The following PLCE1 variants were observed in gnomAD, a reference collection of about 807,000 sequenced individuals.
PLCE1 encodes phospholipase C epsilon 1, also known as 1-phosphatidylinositol 4,5-bisphosphate phosphodiesterase epsilon-1.
A neutral mutation model predicts 242.8 loss-of-function variants in PLCE1; 119 were observed. That is an observed-to-expected ratio of 0.49 (90% CI 0.42 to 0.57). PLCE1 has a LOEUF of 0.57. Among genes scored for constraint, PLCE1 ranks in the 20% least tolerant of loss-of-function variants. The pLI, the probability that PLCE1 is intolerant of heterozygous loss-of-function variation, is 0.00. For missense variants in PLCE1, 2,441 were observed against 2,788.8 expected (o/e 0.88, Z 2.81); for synonymous variants, 945 against 1,017.4 (o/e 0.93, Z 1.35).
intron 2 of PLCE1, among the ~76,000 whole-genome samples, chr10:94,084,901 A>G (rs1323127336): frequency 6.6e-6 from 1 of 152,202 alleles, no homozygotes; most frequent in Non-Finnish European, 1.5e-5. Context: ...AATTTTATGT[A>G]CTTTAATGGA....
chr10:94,069,824 G>T (rs975131621), intron 2 of PLCE1, among the ~76,000 whole-genome samples: 1 of 152,260 alleles, frequency 6.6e-6, no homozygotes, highest in Non-Finnish European at 1.5e-5. Flanking sequence ...GCAAACAGAG[G>T]GTGGTCAGGA....
intron 3 of PLCE1, among the ~76,000 whole-genome samples, chr10:94,143,960 C>G (rs1020005037): frequency 1.3e-5 from 2 of 152,168 alleles, no homozygotes. Context: ...GTGACAGTAG[C>G]GGGTATTTTG....
At chr10:94,034,269 C>G (rs7076847) in intron 2 of PLCE1, among the ~76,000 whole-genome samples, 3,659 of 152,262 alleles carry the variant, frequency 0.024, 102 homozygotes, top group African/African-American at 0.055. Context: ...GGTAGGGACA[C>G]AGCCCAACCA....
intron 2 of PLCE1, among the ~76,000 whole-genome samples, chr10:94,061,306 A>G (rs947104812): frequency 3.9e-5 from 6 of 152,230 alleles, no homozygotes; most frequent in African/African-American, 1.4e-4. Flanking sequence ...GATTAGCTTA[A>G]GCAGGTGATC....
At chr10:94,222,383 A>T (rs1490578270) in intron 4 of PLCE1, among the ~76,000 whole-genome samples, 2 of 151,892 alleles carry the variant, frequency 1.3e-5, no homozygotes, top group Admixed American at 1.3e-4. Context: ...TCCTTCGCTG[A>T]CTCTTGTTTA....
intron 4 of PLCE1, among the ~76,000 whole-genome samples, chr10:94,210,257 A>T (rs1476678382): frequency 6.6e-6 from 1 of 150,620 alleles, no homozygotes; most frequent in East Asian, 1.9e-4. Flanking sequence ...CTTGAAAGAG[A>T]TTTCTTGAGC....
intron 11 of PLCE1, among the ~76,000 whole-genome samples, chr10:94,255,894 ACACACACACACACACACACACTCT>A (rs2051056483): frequency 1.1e-5 from 1 of 91,648 alleles, no homozygotes; most frequent in Non-Finnish European, 2.3e-5. Flanking sequence ...ACACACACAC[ACACACACACACACACACACACTCT>A]CTCTCTCTCT....
At chr10:94,217,806 T>A (rs1226758487) in intron 4 of PLCE1, among the ~76,000 whole-genome samples, 1 of 152,222 alleles carries the variant, frequency 6.6e-6, no homozygotes, top group Non-Finnish European at 1.5e-5. Flanking sequence ...TCTTGCAAAC[T>A]GTGGGCAAGC....
chr10:94,102,195 A>G (rs2045563598), intron 2 of PLCE1, among the ~76,000 whole-genome samples: 1 of 152,224 alleles, frequency 6.6e-6, no homozygotes, highest in Admixed American at 6.5e-5. Context: ...AGACCTCACA[A>G]CAACCTGTCT....
At chr10:94,012,380 G>A (rs1198702090) in intron 1 of PLCE1, among the ~76,000 whole-genome samples, 1 of 151,992 alleles carries the variant, frequency 6.6e-6, no homozygotes, top group Non-Finnish European at 1.5e-5. Context: ...AGTAGAAACA[G>A]GTGACACTCA....
chr10:94,310,101 T>G (rs2053338850), intron 27 of PLCE1, among the ~76,000 whole-genome samples: 1 of 152,250 alleles, frequency 6.6e-6, no homozygotes, highest in African/African-American at 2.4e-5. Context: ...ACATACATTT[T>G]AAAAGTGTAT....
At chr10:94,117,762 T>C (rs2046177943) in intron 2 of PLCE1, among the ~76,000 whole-genome samples, 1 of 152,254 alleles carries the variant, frequency 6.6e-6, no homozygotes, top group African/African-American at 2.4e-5. Flanking sequence ...ACCTGCATTG[T>C]GTCCTTTATG....
intron 2 of PLCE1, among the ~76,000 whole-genome samples, chr10:94,113,724 T>C (rs2046027487): frequency 6.6e-6 from 1 of 152,150 alleles, no homozygotes; most frequent in South Asian, 2.1e-4. Context: ...AGTATTCTAA[T>C]AGCAATGTGA....
intron 8 of PLCE1, 88 bp from the exon 9 acceptor site, chr10:94,252,228 C>T (rs573021276): frequency 8.1e-7 from 1 of 1,227,774 alleles, no homozygotes; most frequent in Non-Finnish European, 1.2e-6. Flanking sequence ...GCTCTTCCAC[C>T]TCTTGGAATT....
intron 4 of PLCE1, among the ~76,000 whole-genome samples, chr10:94,182,576 T>C (rs2048349388): frequency 6.6e-6 from 1 of 152,024 alleles, no homozygotes; most frequent in African/African-American, 2.4e-5. Context: ...GGCCCCATCT[T>C]CATTTCTTTT....
At chr10:94,263,473 C>G (rs2051385217) in intron 14 of PLCE1, among the ~76,000 whole-genome samples, 1 of 149,214 alleles carries the variant, frequency 6.7e-6, no homozygotes, top group African/African-American at 2.5e-5. Context: ...GAGATCACAC[C>G]ACTGCATTCC....
intron 7 of PLCE1, among the ~76,000 whole-genome samples, chr10:94,236,843 G>A (rs1357384350): frequency 6.6e-6 from 1 of 151,940 alleles, no homozygotes; most frequent in Non-Finnish European, 1.5e-5. Flanking sequence ...AGCCATTTAA[G>A]TTCTTAATCT....
In PLCE1 at chr10:94,031,888, G is replaced by T. The variant is rs1466826254; in HGVS notation, c.842G>T (p.Ser281Ile). Residue 281 changes from serine to isoleucine, a missense_variant, in exon 2 of 33, where the codon AGC (serine) becomes ATC (isoleucine). This residue lies in a region of PLCE1 where 393 missense variants were observed against 378.5 expected (regional missense o/e 1.04). Coordinates refer to ENST00000371380, the MANE Select transcript of PLCE1 (RefSeq NM_016341.4). The stretch of plus-strand genomic sequence containing the variant: ...GTTGACATGGTATATTCAGGTGATA[G>T]CTTTTGTAGGAAAGACTTTACTGAC... The part of the protein sequence containing the change: ...EKVDMVYSGD[S>I]FCRKDFTDSQ... 1 of 1,613,906 alleles carries T rather than the reference G, an allele frequency of 6.2e-7. No individual in the cohort carries two copies. The highest frequency in any genetic ancestry group is 1.1e-5 in the South Asian group (1 of 91,062).
chr10:94,256,109 G>C (rs2051086013), intron 11 of PLCE1, among the ~76,000 whole-genome samples: 1 of 151,586 alleles, frequency 6.6e-6, no homozygotes, highest in Non-Finnish European at 1.5e-5. Context: ...AGGATCACTT[G>C]AGCCCCCAGG....
Sources: gnomAD v4.1 joint callset for allele counts (sites outside exome capture counted in the v4.1 genomes callset) on GRCh38, gnomAD v4.1.1 for gene constraint, gnomAD v4.1.1 regional missense constraint, MANE v1.5 for transcripts, NCBI Gene and HGNC (gene_info 2026-07-23, HGNC 2026-07-21) for gene names.